The following LGSN variants were observed in gnomAD, a reference collection of about 807,000 sequenced individuals.
LGSN encodes the protein lengsin.
In LGSN, 21 loss-of-function variants were observed where a neutral mutation model predicts 19.5. The ratio of observed to expected loss-of-function variants is 1.07; its 90% confidence interval spans 0.76 to 1.55. LGSN has a LOEUF of 1.55. Ranked by LOEUF, LGSN falls within the 40% of genes most tolerant of loss-of-function variation. The probability of loss-of-function intolerance (pLI) is 0.00; values close to 1 mark genes in which losing one functional copy is unlikely to be tolerated. For missense variants in LGSN, 673 were observed against 608.5 expected, an observed-to-expected ratio of 1.11 and a Z score of -1.12; for synonymous variants, 257 against 215.6, an observed-to-expected ratio of 1.19 and a Z score of -1.68.
chr6:63,359,106 G>A, the LGSN span, among the ~76,000 whole-genome samples: 174 of 151,822 alleles, frequency 1.1e-3, no homozygotes, highest in African/African-American at 3.6e-3. Flanking sequence ...GGTTTTTGTC[G>A]TTGGTTCTGT....
chr6:63,280,768 G>C lies in LGSN; in HGVS notation c.783C>G (p.Thr261=), dbSNP rs755633762. 1 of 1,614,094 alleles carries C rather than the reference G, an allele frequency of 6.2e-7. No homozygotes were observed. The highest frequency in any genetic ancestry group is 1.7e-5 in the Admixed American group (1 of 60,010). Residue 261 remains threonine (T), a synonymous_variant, in exon 4 of 4, where the codon ACC becomes ACG. Coordinates refer to ENST00000370657, the MANE Select transcript of LGSN (RefSeq NM_016571.3). ...AAGAGATTTCCATCTGACCAGGCCT[G>C]GTAGAGGAGGAAAAACTCTCGACAT... ...GANVESFSSS[T]RPGQMEISFL...
the LGSN span, among the ~76,000 whole-genome samples, chr6:63,487,623 T>C: frequency 6.6e-6 from 1 of 152,196 alleles, no homozygotes; most frequent in Non-Finnish European, 1.5e-5. Flanking sequence ...TGTATAATAA[T>C]GAACACAGAC....
rs1767155412 is a variant in LGSN at position 63,278,188 on chromosome 6, C to T, written c.*1833G>A. 6.6e-6 allele frequency: 1 copy of T among 151,942 alleles called. No homozygotes were observed. Among genetic ancestry groups the T allele is most frequent in the South Asian group, 2.1e-4 (1 of 4,828 alleles). 9.4% of individuals were successfully genotyped at this position (151,942 alleles called of 1,614,324 possible). Reference sequence around the variant, plus strand: ...ACCTAATAACATGACCACATCCAACCTTAATGAAGGCTCAGAAATATCATT... The same window carrying T: ...ACCTAATAACATGACCACATCCAACTTTAATGAAGGCTCAGAAATATCATT... On this transcript the variant is annotated 3_prime_UTR_variant, in exon 4 of 4. Transcript: ENST00000370657.
At chr6:63,425,002 G>A in the LGSN span, among the ~76,000 whole-genome samples, 1 of 152,208 alleles carries the variant, frequency 6.6e-6, no homozygotes, top group African/African-American at 2.4e-5. Flanking sequence ...TTCTACTGAT[G>A]GCTATAAGCA....
rs1767221036 is a variant in LGSN at position 63,279,897 on chromosome 6, G to A, written c.*124C>T. On this transcript the variant is annotated 3_prime_UTR_variant, in exon 4 of 4. Coordinates refer to ENST00000370657, the MANE Select transcript of LGSN (RefSeq NM_016571.3). ...AAATATTCCATGGACAAAAAAAAAA[G>A]TCAAAAGCATTCGTAATCTTGTTAT... 16 of 916,608 alleles carry A rather than the reference G, an allele frequency of 1.7e-5. No homozygotes were observed. In the South Asian group the frequency reaches 2.1e-4, roughly 12 times the overall value. The allele number at this position is 916,608 out of a possible 1,614,324, so 56.8% of individuals were successfully genotyped here.
the LGSN span, among the ~76,000 whole-genome samples, chr6:63,412,761 A>G: frequency 5.0e-5 from 1 of 20,096 alleles, no homozygotes; most frequent in African/African-American, 2.4e-4. Context: ...GAAAGAAAGA[A>G]AGAAAGAAAG....
At chr6:63,541,621 CTT>C in the LGSN span, among the ~76,000 whole-genome samples, 2 of 152,182 alleles carry the variant, frequency 1.3e-5, no homozygotes, top group African/African-American at 4.8e-5. Flanking sequence ...TTTCCAACCT[CTT>C]TGCATTCATC....
At chr6:63,447,041 C>T in the LGSN span, among the ~76,000 whole-genome samples, 2 of 152,150 alleles carry the variant, frequency 1.3e-5, no homozygotes, top group East Asian at 1.9e-4. Context: ...AGGAGTGAAA[C>T]TCCGTCTCAA....
At chr6:63,365,151 G>GT in the LGSN span, among the ~76,000 whole-genome samples, 1 of 151,900 alleles carries the variant, frequency 6.6e-6, no homozygotes, top group Non-Finnish European at 1.5e-5. Flanking sequence ...CCAGGAGCTG[G>GT]TTTTTTTGAA....
the LGSN span, among the ~76,000 whole-genome samples, chr6:63,550,009 A>G: frequency 6.6e-6 from 1 of 152,200 alleles, no homozygotes; most frequent in South Asian, 2.1e-4. Flanking sequence ...GGAACACACT[A>G]ATTACTCTGA....
chr6:63,438,002 G>C, the LGSN span, among the ~76,000 whole-genome samples: 10 of 152,072 alleles, frequency 6.6e-5, no homozygotes, highest in Non-Finnish European at 1.3e-4. Context: ...TCTAATCTCT[G>C]TCCACACTGC....
At chr6:63,371,471 A>C in the LGSN span, among the ~76,000 whole-genome samples, 2 of 152,220 alleles carry the variant, frequency 1.3e-5, no homozygotes, top group East Asian at 3.8e-4. Flanking sequence ...AACTATATTA[A>C]ATACTTTTTT....
chr6:63,571,306 C>T, the LGSN span: 3 of 152,148 alleles, frequency 2.0e-5, no homozygotes, highest in African/African-American at 4.8e-5. Flanking sequence ...CCCTAAAGCC[C>T]TCTCCAATCT....
the LGSN span, among the ~76,000 whole-genome samples, chr6:63,537,391 A>G: frequency 2.0e-5 from 3 of 152,352 alleles, no homozygotes; most frequent in South Asian, 4.1e-4. Context: ...AAACCATATT[A>G]GTAACACCTG....
At chr6:63,463,108 C>T in the LGSN span, among the ~76,000 whole-genome samples, 1 of 152,156 alleles carries the variant, frequency 6.6e-6, no homozygotes, top group African/African-American at 2.4e-5. Context: ...TATGGATCCT[C>T]CACTGCTAGT....
At chr6:63,398,129 TTGA>T in the LGSN span, among the ~76,000 whole-genome samples, 8 of 150,956 alleles carry the variant, frequency 5.3e-5, no homozygotes, top group Non-Finnish European at 1.2e-4. Flanking sequence ...TAAATAAAAC[TTGA>T]TGATAATAAA....
At chr6:63,559,409 G>T in the LGSN span, among the ~76,000 whole-genome samples, 17 of 151,994 alleles carry the variant, frequency 1.1e-4, no homozygotes, top group African/African-American at 2.9e-4. Flanking sequence ...CTAAATAAAA[G>T]AAAAATGGCT....
chr6:63,293,801 G>A (rs1446920852), intron 2 of LGSN: 1 of 456,436 alleles, frequency 2.2e-6, no homozygotes, highest in Non-Finnish European at 4.4e-6. Flanking sequence ...CAGGTCCCAT[G>A]ATAGGTTTGC....
At chr6:63,303,711 T>C (rs1175447956) in intron 1 of LGSN, among the ~76,000 whole-genome samples, 2 of 152,208 alleles carry the variant, frequency 1.3e-5, no homozygotes, top group Non-Finnish European at 2.9e-5. Context: ...ATCCACTGAC[T>C]GGGTACAGTC....
Sources: allele counts gnomAD v4.1 joint callset (sites outside exome capture counted in the v4.1 genomes callset), GRCh38; gene constraint gnomAD v4.1.1; transcripts MANE v1.5; gene names NCBI Gene and HGNC (gene_info 2026-07-23, HGNC 2026-07-21).